The following SLC24A3 variants were observed in gnomAD, a reference collection of about 807,000 sequenced individuals.
SLC24A3 encodes the protein solute carrier family 24 member 3.
SLC24A3 carries 28 observed loss-of-function variants against 75.8 expected under a neutral mutation model. That is an observed-to-expected ratio of 0.37 (90% CI 0.27 to 0.51). The LOEUF (loss-of-function observed/expected upper bound fraction) is 0.51. Ranked by LOEUF, SLC24A3 falls within the 20% of genes least tolerant of loss-of-function variation. SLC24A3 has a pLI of 0.94. For synonymous variants in SLC24A3, 372 were observed against 334.1 expected, an observed-to-expected ratio of 1.11 and a Z score of -1.24; for missense variants, 663 against 847.8, an observed-to-expected ratio of 0.78 and a Z score of 2.71.
At chr20:19,639,295 T>C (rs987058268) in intron 6 of SLC24A3, among the ~76,000 whole-genome samples, 16 of 151,812 alleles carry the variant, frequency 1.1e-4, no homozygotes, top group Admixed American at 9.8e-4. Context: ...GATTGGTGTA[T>C]TTACAAACCT....
rs1011923552 is a variant in SLC24A3 at position 19,441,708 on chromosome 20, G to A, written c.272-73780G>A. ...TAACTCAACTTTATAGTTCATATTA[G>A]GGTTTATTCTTGGTGTATAGTTCTG... On this transcript the variant is annotated intron_variant, in intron 2 of 16. Coordinates refer to ENST00000328041, the MANE Select transcript of SLC24A3 (RefSeq NM_020689.4). Among the ~76,000 whole-genome samples the A allele has an allele frequency of 2.6e-5, 4 of 152,024 alleles. No homozygotes were observed. The East Asian group carries it at 5.8e-4, about 22-fold the overall frequency.
chr20:19,631,383 G>A (rs535574594), intron 6 of SLC24A3, among the ~76,000 whole-genome samples: 44 of 152,178 alleles, frequency 2.9e-4, no homozygotes, highest in African/African-American at 9.2e-4. Context: ...AATATTTTGC[G>A]AAGTGTTGTA....
At position 19,261,926 on chromosome 20, in the gene SLC24A3, G is replaced by C. The variant is rs76578328; in HGVS notation, c.143-19033G>C. 249 of 152,378 alleles carry C rather than the reference G, an allele frequency of 1.6e-3. 3 individuals carry two copies. The highest frequency in any genetic ancestry group is 5.8e-3 in the African/African-American group (242 of 41,584). The allele number at this position is 152,378 out of a possible 1,614,324, so 9.4% of individuals were successfully genotyped here. ...TGCTTGATGTATTGGAGATTTATCA[G>C]CAGCTGTTTCTGCAGGGAGTGTGGG... On this transcript the variant is annotated intron_variant, in intron 1 of 16. Coordinates refer to ENST00000328041, the MANE Select transcript of SLC24A3 (RefSeq NM_020689.4).
chr20:19,618,682 C>T (rs755247923), intron 6 of SLC24A3, among the ~76,000 whole-genome samples: 12 of 152,082 alleles, frequency 7.9e-5, no homozygotes, highest in Non-Finnish European at 1.8e-4. Flanking sequence ...TTACCACATA[C>T]GAAAAATGGG....
intron 6 of SLC24A3, among the ~76,000 whole-genome samples, chr20:19,617,145 A>C (rs2031746796): frequency 6.6e-6 from 1 of 152,240 alleles, no homozygotes. Context: ...CAAAGCTCAA[A>C]ATGAATCTGA....
intron 1 of SLC24A3, among the ~76,000 whole-genome samples, chr20:19,259,506 C>T (rs1047450904): frequency 2.6e-5 from 4 of 152,172 alleles, no homozygotes; most frequent in Admixed American, 1.3e-4. Context: ...GGCAGCGACA[C>T]CTGAAGATTG....
chr20:19,681,054 G>T (rs2032609340), intron 9 of SLC24A3, among the ~76,000 whole-genome samples: 1 of 152,154 alleles, frequency 6.6e-6, no homozygotes. Flanking sequence ...CTTTGCCCGT[G>T]AGTTTTTATG....
intron 2 of SLC24A3, among the ~76,000 whole-genome samples, chr20:19,389,276 A>T (rs892885972): frequency 2.0e-5 from 3 of 152,182 alleles, no homozygotes; most frequent in Non-Finnish European, 4.4e-5. Context: ...GTACAATATT[A>T]GAATACTCTC....
intron 7 of SLC24A3, among the ~76,000 whole-genome samples, chr20:19,656,344 A>G (rs538073460): frequency 5.3e-5 from 8 of 151,998 alleles, no homozygotes; most frequent in African/African-American, 1.9e-4. Flanking sequence ...GGGTCCCTTT[A>G]TCATTGGGAG....
intron 2 of SLC24A3, among the ~76,000 whole-genome samples, chr20:19,422,481 G>A (rs1252881516): frequency 6.6e-6 from 1 of 152,136 alleles, no homozygotes; most frequent in East Asian, 1.9e-4. Flanking sequence ...GATCAGTGGG[G>A]CTGTCAGGAA....
chr20:19,508,291 C>A (rs1291471454), intron 2 of SLC24A3, among the ~76,000 whole-genome samples: 1 of 152,142 alleles, frequency 6.6e-6, no homozygotes, highest in Non-Finnish European at 1.5e-5. Flanking sequence ...TCCTGAGAGA[C>A]CAATCCCTCA....
At chr20:19,377,793 C>T (rs1007016322) in intron 2 of SLC24A3, among the ~76,000 whole-genome samples, 3 of 152,182 alleles carry the variant, frequency 2.0e-5, no homozygotes, top group Admixed American at 2.0e-4. Flanking sequence ...CAGCCTTTTC[C>T]TGTTCACAGA....
intron 2 of SLC24A3, among the ~76,000 whole-genome samples, chr20:19,391,472 A>G (rs1045185734): frequency 6.6e-6 from 1 of 152,190 alleles, no homozygotes; most frequent in Non-Finnish European, 1.5e-5. Context: ...CAAATACAAA[A>G]TCTAAACCAG....
At chr20:19,397,403 A>G (rs905162425) in intron 2 of SLC24A3, among the ~76,000 whole-genome samples, 2 of 152,232 alleles carry the variant, frequency 1.3e-5, no homozygotes, top group African/African-American at 4.8e-5. Context: ...AATCAAGATA[A>G]GAAACTAGTT....
At chr20:19,454,644 C>G (rs911249224) in intron 2 of SLC24A3, among the ~76,000 whole-genome samples, 1 of 152,098 alleles carries the variant, frequency 6.6e-6, no homozygotes, top group Admixed American at 6.5e-5. Context: ...TCACTGAAGA[C>G]ATAAAAGGTG....
chr20:19,371,444 C>A (rs1985991309), intron 2 of SLC24A3, among the ~76,000 whole-genome samples: 1 of 152,122 alleles, frequency 6.6e-6, no homozygotes, highest in Non-Finnish European at 1.5e-5. Context: ...AGGAAATGAG[C>A]AAAGCATTAT....
intron 6 of SLC24A3, among the ~76,000 whole-genome samples, chr20:19,593,697 C>T (rs1297770306): frequency 6.6e-6 from 1 of 152,180 alleles, no homozygotes; most frequent in Non-Finnish European, 1.5e-5. Context: ...TCAAGGCTGG[C>T]TCCCAGAGTC....
intron 6 of SLC24A3, among the ~76,000 whole-genome samples, chr20:19,629,079 C>T (rs1465904973): frequency 1.3e-5 from 2 of 151,842 alleles, no homozygotes; most frequent in Non-Finnish European, 2.9e-5. Context: ...TTATGAATTA[C>T]CTGAAAAAGA....
Position 19,333,013 on chromosome 20 carries a change from T to C in SLC24A3, c.271+51926T>C, listed in dbSNP as rs531186731. Among the ~76,000 whole-genome samples the C allele has an allele frequency of 7.9e-5, 12 of 152,330 alleles. No homozygotes were observed. In the South Asian group the frequency reaches 2.3e-3, roughly 29 times the overall value. On this transcript the variant is annotated intron_variant, in intron 2 of 16. Transcript: ENST00000328041. ...GGCTAAAGGGGCTGTGTCTGGGTTC[T>C]TGTGGCTAATAGAGGGCTGTTTTGT...
Sources: gnomAD v4.1 joint callset for allele counts (sites outside exome capture counted in the v4.1 genomes callset) on GRCh38, gnomAD v4.1.1 for gene constraint, MANE v1.5 for transcripts, NCBI Gene and HGNC (gene_info 2026-07-23, HGNC 2026-07-21) for gene names.